The following MAGI2 variants were observed in gnomAD, a reference collection of about 807,000 sequenced individuals.
MAGI2 encodes membrane-associated guanylate kinase, WW and PDZ domain-containing protein 2.
MAGI2 carries 35 observed loss-of-function variants against 133.3 expected under a neutral mutation model. The observed-to-expected ratio is 0.26, with a 90% CI of 0.20 to 0.35. The LOEUF (loss-of-function observed/expected upper bound fraction) is 0.35, where lower values mean the gene tolerates loss of function less well. Among genes scored for constraint, MAGI2 ranks in the 10% least tolerant of loss-of-function variants. The pLI is 1.00. For missense variants in MAGI2, 1,636 were observed against 1,863.4 expected (o/e 0.88, Z 2.25); for synonymous variants, 729 against 710.6 (o/e 1.03, Z -0.41).
chr7:78,537,919 T>C (rs1446373804), intron 3 of MAGI2, among the ~76,000 whole-genome samples: 1 of 152,194 alleles, frequency 6.6e-6, no homozygotes, highest in Non-Finnish European at 1.5e-5. Context: ...TTTGCCTGAG[T>C]CAATGTCTAG....
intron 12 of MAGI2, among the ~76,000 whole-genome samples, chr7:78,186,043 G>T (rs1235344069): frequency 6.6e-6 from 1 of 151,978 alleles, no homozygotes; most frequent in Non-Finnish European, 1.5e-5. Flanking sequence ...TTAAAATTAG[G>T]TTATAATTTT....
chr7:78,712,458 T>C (rs1328574287), intron 2 of MAGI2, among the ~76,000 whole-genome samples: 1 of 152,142 alleles, frequency 6.6e-6, no homozygotes, highest in Non-Finnish European at 1.5e-5. Flanking sequence ...AATGAAAAAA[T>C]CTAACACAAG....
intron 2 of MAGI2, among the ~76,000 whole-genome samples, chr7:78,740,797 G>A (rs1387111392): frequency 6.6e-6 from 1 of 152,174 alleles, no homozygotes; most frequent in Admixed American, 6.5e-5. Flanking sequence ...ATAAGGATAT[G>A]TGAAAGCAAA....
rs142371741 is a variant in MAGI2, at chr7:78,638,138, T to C, written c.419-10899A>G. The stretch of plus-strand genomic sequence containing the variant: ...ATCACCTGAACTAAAAAACCTGTCA[T>C]ACTGAGCAAGAAAGAAAGACAATGT... On this transcript the variant is annotated intron_variant, in intron 2 of 21. Transcript: ENST00000354212. Among the ~76,000 whole-genome samples, 512 of 151,980 alleles carry C rather than the reference T, an allele frequency of 3.4e-3. 2 individuals carry two copies. The highest frequency in any genetic ancestry group is 5.9e-3 in the Non-Finnish European group (401 of 67,936).
chr7:78,888,358 G>C (rs903738203), intron 2 of MAGI2, among the ~76,000 whole-genome samples: 94 of 152,300 alleles, frequency 6.2e-4, no homozygotes, highest in African/African-American at 2.2e-3. Context: ...CAATGTCCCT[G>C]TCTGACAGCT....
chr7:79,319,119 T>C lies in MAGI2; in HGVS notation c.301+133901A>G, dbSNP rs1029351239. On this transcript the variant is annotated intron_variant, in intron 1 of 21. Transcript: ENST00000354212. Reference sequence around the variant, plus strand: ...TTTTTGAGGCTAGTTTTAGAATATTTATTCAACTTTCTTTCCTGACTTTCC... The same window carrying C: ...TTTTTGAGGCTAGTTTTAGAATATTCATTCAACTTTCTTTCCTGACTTTCC... Among the ~76,000 whole-genome samples the C allele has an allele frequency of 2.6e-4, 39 of 152,274 alleles. 1 individual carries two copies. The highest frequency in any genetic ancestry group is 2.1e-4 in the South Asian group (1 of 4,826).
chr7:78,922,168 T>G (rs1470840246), intron 2 of MAGI2, among the ~76,000 whole-genome samples: 1 of 151,628 alleles, frequency 6.6e-6, no homozygotes, highest in Non-Finnish European at 1.5e-5. Context: ...TTTTTATTTT[T>G]TTTTTTGGCA....
chr7:79,157,856 T>G (rs1823941424), intron 1 of MAGI2, among the ~76,000 whole-genome samples: 2 of 146,602 alleles, frequency 1.4e-5, no homozygotes, highest in Admixed American at 6.7e-5. Flanking sequence ...ACAAGTTTTT[T>G]TTTTTTTTTT....
intron 4 of MAGI2, among the ~76,000 whole-genome samples, chr7:78,508,551 A>G (rs76619584): frequency 0.018 from 2,759 of 152,334 alleles, 78 homozygotes; most frequent in African/African-American, 0.063. Context: ...AAACTTCGTA[A>G]TAATGGGAGG....
intron 3 of MAGI2, among the ~76,000 whole-genome samples, chr7:78,553,291 T>G (rs1198636029): frequency 6.6e-6 from 1 of 152,114 alleles, no homozygotes; most frequent in Non-Finnish European, 1.5e-5. Flanking sequence ...CAGTTAATCA[T>G]TTAAAAGTTT....
intron 9 of MAGI2, among the ~76,000 whole-genome samples, chr7:78,317,253 C>A (rs78133213): frequency 6.6e-6 from 1 of 152,136 alleles, no homozygotes; most frequent in Admixed American, 6.5e-5. Flanking sequence ...GCCTTTTTCT[C>A]ACCCTCTTCT....
chr7:79,122,333 G>C (rs74931532), intron 1 of MAGI2, among the ~76,000 whole-genome samples: 6,139 of 152,204 alleles, frequency 0.04, 444 homozygotes, highest in African/African-American at 0.14. Flanking sequence ...CAATGACCAA[G>C]TTTTAAACCA....
At chr7:78,839,856 C>T (rs558109345) in intron 2 of MAGI2, among the ~76,000 whole-genome samples, 30 of 152,012 alleles carry the variant, frequency 2.0e-4, no homozygotes, top group Non-Finnish European at 3.4e-4. Flanking sequence ...ATCAAAAATA[C>T]CCTAAAAAGT....
At chr7:78,708,773 T>C (rs1476473088) in intron 2 of MAGI2, among the ~76,000 whole-genome samples, 1 of 152,116 alleles carries the variant, frequency 6.6e-6, no homozygotes, top group African/African-American at 2.4e-5. Flanking sequence ...AATAACTCCA[T>C]TTCATGAATG....
intron 1 of MAGI2, among the ~76,000 whole-genome samples, chr7:79,342,598 C>G (rs1236841749): frequency 6.6e-6 from 1 of 152,170 alleles, no homozygotes; most frequent in African/African-American, 2.4e-5. Flanking sequence ...ACAGTGCGTA[C>G]TCACTTGTAA....
At chr7:79,202,172 A>G (rs563662277) in intron 1 of MAGI2, among the ~76,000 whole-genome samples, 83 of 152,148 alleles carry the variant, frequency 5.5e-4, no homozygotes, top group African/African-American at 1.8e-3. Flanking sequence ...GTCATTATAT[A>G]TAATGATACC....
intron 10 of MAGI2, among the ~76,000 whole-genome samples, chr7:78,246,548 T>C (rs1791810749): frequency 6.6e-6 from 1 of 152,106 alleles, no homozygotes; most frequent in Admixed American, 6.5e-5. Context: ...GAGTCTGAGC[T>C]GCTGAGACAA....
chr7:79,279,870 A>G (rs1442653840), intron 1 of MAGI2, among the ~76,000 whole-genome samples: 2 of 152,220 alleles, frequency 1.3e-5, no homozygotes, highest in East Asian at 3.8e-4. Flanking sequence ...ATGAGAAAAT[A>G]TTAGAAGGCA....
At chr7:78,863,513 T>A (rs967128281) in intron 2 of MAGI2, among the ~76,000 whole-genome samples, 1 of 152,200 alleles carries the variant, frequency 6.6e-6, no homozygotes, top group Non-Finnish European at 1.5e-5. Context: ...CACTCATTAC[T>A]GCGAGGACAG....
Sources: allele counts gnomAD v4.1 joint callset (sites outside exome capture counted in the v4.1 genomes callset), GRCh38; gene constraint gnomAD v4.1.1; transcripts MANE v1.5; gene names NCBI Gene and HGNC (gene_info 2026-07-23, HGNC 2026-07-21).